Variants in SUPT3H observed in about 807,000 individuals in gnomAD.
SUPT3H encodes the protein SPT3 homolog, SAGA and STAGA complex component.
Under a neutral mutation model 44.3 loss-of-function variants are expected in SUPT3H, and 44 were observed. The ratio of observed to expected loss-of-function variants is 0.99; its 90% CI spans 0.78 to 1.28. The LOEUF is 1.28. Ranked by LOEUF, SUPT3H falls within the 50% of genes most tolerant of loss-of-function variation. The pLI is 0.00. For missense variants in SUPT3H, 380 were observed against 387.1 expected (o/e 0.98, Z 0.15); for synonymous variants, 124 against 125.6 (o/e 0.99, Z 0.09).
intron 10 of SUPT3H, among the ~76,000 whole-genome samples, chr6:44,883,141 C>T (rs1778527463): frequency 6.6e-6 from 1 of 152,190 alleles, no homozygotes; most frequent in Admixed American, 6.5e-5. Context: ...AAAACTCAAT[C>T]ATCTCAGCCC....
intron 3 of SUPT3H, among the ~76,000 whole-genome samples, chr6:45,021,906 C>G (rs1419600726): frequency 2.0e-5 from 3 of 151,866 alleles, no homozygotes; most frequent in Admixed American, 6.6e-5. Flanking sequence ...TTAAATTTAA[C>G]TGTGAACCAT....
chr6:45,181,219 C>G (rs9369541), intron 2 of SUPT3H, among the ~76,000 whole-genome samples: 32,872 of 76,568 alleles, frequency 0.43, 8,671 homozygotes, highest in African/African-American at 0.66. Flanking sequence ...GGAAACAACA[C>G]GTGCTGGAGA....
At chr6:44,999,945 A>C (rs536173364) in intron 6 of SUPT3H, among the ~76,000 whole-genome samples, 11 of 152,004 alleles carry the variant, frequency 7.2e-5, no homozygotes, top group African/African-American at 2.7e-4. Flanking sequence ...TATACCTCTG[A>C]TTGTTCTTTA....
intron 2 of SUPT3H, among the ~76,000 whole-genome samples, chr6:45,321,459 TTTAA>T (rs1270395974): frequency 1.3e-5 from 2 of 152,202 alleles, no homozygotes; most frequent in Admixed American, 6.5e-5. Flanking sequence ...TATGAATGTA[TTTAA>T]TTAAATTTTA....
chr6:45,372,944 A>G lies in SUPT3H; in HGVS notation c.-1+4824T>C, dbSNP rs2396503. ...GCGATTCTGATGTCTCAGCCTCCCAAGTAGCAGGTGCACGCCAAGACACGC... is the reference window on the plus strand; with the variant it reads ...GCGATTCTGATGTCTCAGCCTCCCAGGTAGCAGGTGCACGCCAAGACACGC... On this transcript the variant is annotated intron_variant, in intron 1 of 10. Transcript: ENST00000371459. Among the ~76,000 whole-genome samples, 334 of 152,158 alleles carry G rather than the reference A, an allele frequency of 2.2e-3. 1 individual carries two copies. Among genetic ancestry groups the G allele is most frequent in the Middle Eastern group, 0.017 (5 of 294 alleles).
At chr6:45,292,051 A>G (rs928313528) in intron 2 of SUPT3H, among the ~76,000 whole-genome samples, 1 of 152,196 alleles carries the variant, frequency 6.6e-6, no homozygotes, top group Non-Finnish European at 1.5e-5. Context: ...AGCACCAGGT[A>G]ACCTACAAAG....
At chr6:44,937,001 G>A (rs1771547040) in intron 9 of SUPT3H, among the ~76,000 whole-genome samples, 1 of 151,962 alleles carries the variant, frequency 6.6e-6, no homozygotes, top group Non-Finnish European at 1.5e-5. Context: ...ATTCCATTGT[G>A]TATACATGCC....
In SUPT3H at chr6:45,225,440, A is replaced by T. The variant is rs1766789450; in HGVS notation, c.102-119434T>A. Among the ~76,000 whole-genome samples the T allele has an allele frequency of 1.3e-5, 2 of 152,166 alleles. 1 individual carries two copies. Among genetic ancestry groups the T allele is most frequent in the South Asian group, 4.1e-4 (2 of 4,830 alleles). ...CTTATATGCCTTAATTTTCAATATTAAGAATCAACACCAAATCTTTACAGA... is the reference window on the plus strand; with the variant it reads ...CTTATATGCCTTAATTTTCAATATTTAGAATCAACACCAAATCTTTACAGA... On this transcript the variant is annotated intron_variant, in intron 2 of 10. Transcript: ENST00000371459.
At chr6:44,819,073 G>A (rs1402646914) in intron 11 of SUPT3H, among the ~76,000 whole-genome samples, 3 of 152,138 alleles carry the variant, frequency 2.0e-5, no homozygotes, top group Non-Finnish European at 4.4e-5. Context: ...CAATGCAAAT[G>A]TCCACTCAAT....
chr6:45,078,086 T>C (rs1401578107), intron 3 of SUPT3H, among the ~76,000 whole-genome samples: 1 of 152,194 alleles, frequency 6.6e-6, no homozygotes, highest in Non-Finnish European at 1.5e-5. Flanking sequence ...TTGGCCAGAC[T>C]GGTCTTGAAC....
intron 3 of SUPT3H, among the ~76,000 whole-genome samples, chr6:45,031,132 T>G (rs573622682): frequency 2.0e-5 from 3 of 152,310 alleles, no homozygotes; most frequent in South Asian, 4.1e-4. Context: ...ATAGCTAGCC[T>G]GACGTAAATG....
At chr6:45,000,077 T>C (rs1451937761) in intron 6 of SUPT3H, among the ~76,000 whole-genome samples, 1 of 150,296 alleles carries the variant, frequency 6.7e-6, no homozygotes, top group Non-Finnish European at 1.5e-5. Flanking sequence ...CACATATAAA[T>C]GTATATACAC....
intron 2 of SUPT3H, among the ~76,000 whole-genome samples, chr6:45,209,569 A>G (rs1763753301): frequency 1.3e-5 from 2 of 152,234 alleles, no homozygotes; most frequent in South Asian, 4.1e-4. Flanking sequence ...CTCATGATCA[A>G]ACTTGAAGCA....
At chr6:44,900,090 C>T (rs565226902) in intron 10 of SUPT3H, among the ~76,000 whole-genome samples, 3 of 152,324 alleles carry the variant, frequency 2.0e-5, no homozygotes, top group East Asian at 3.9e-4. Context: ...CAGCTCCCAG[C>T]ATAAGCGACG....
intron 2 of SUPT3H, among the ~76,000 whole-genome samples, chr6:45,269,977 T>C (rs895587651): frequency 1.3e-5 from 2 of 152,154 alleles, no homozygotes; most frequent in Admixed American, 1.3e-4. Context: ...CAACCACGGA[T>C]CTATCCTGTT....
intron 2 of SUPT3H, among the ~76,000 whole-genome samples, chr6:45,175,712 T>A (rs1260326538): frequency 6.6e-6 from 1 of 151,230 alleles, no homozygotes; most frequent in Non-Finnish European, 1.5e-5. Flanking sequence ...CAAGTGATAT[T>A]AAAAAAAAAT....
chr6:45,216,214 A>G (rs796831889), intron 2 of SUPT3H, among the ~76,000 whole-genome samples: 1 of 118,672 alleles, frequency 8.4e-6, no homozygotes. Context: ...ATCTGGAAGT[A>G]AAAGGATGGT....
At chr6:44,904,382 A>G (rs544597880) in intron 10 of SUPT3H, among the ~76,000 whole-genome samples, 1 of 151,614 alleles carries the variant, frequency 6.6e-6, no homozygotes, top group Admixed American at 6.6e-5. Flanking sequence ...ATAACAGACA[A>G]ACAGAGAGCC....
At chr6:45,041,997 C>T (rs1294694424) in intron 3 of SUPT3H, among the ~76,000 whole-genome samples, 1 of 152,004 alleles carries the variant, frequency 6.6e-6, no homozygotes, top group Non-Finnish European at 1.5e-5. Context: ...GAAGTGTCAA[C>T]TATATTAGAG....
Sources: allele counts gnomAD v4.1 joint callset (sites outside exome capture counted in the v4.1 genomes callset), GRCh38; gene constraint gnomAD v4.1.1; transcripts MANE v1.5; gene names NCBI Gene and HGNC (gene_info 2026-07-23, HGNC 2026-07-21).